Variants in NEUROG1 observed in about 807,000 individuals in gnomAD.
The protein encoded by NEUROG1 is neurogenin 1.
NEUROG1 carries 5 observed loss-of-function variants against 5.7 expected under a neutral mutation model. The observed-to-expected ratio is 0.88, with a 90% CI of 0.46 to 1.85. The LOEUF is 1.85. Among genes scored for constraint, NEUROG1 ranks in the 40% most tolerant of loss-of-function variants. NEUROG1 has a pLI of 0.01. For missense variants in NEUROG1, 403 were observed against 345.7 expected (o/e 1.17, Z -1.32); for synonymous variants, 196 against 157.4 (o/e 1.25, Z -1.84).
rs561040086 is a variant in NEUROG1, at chr5:135,535,078, A to G, written c.613T>C (p.Ser205Pro). ...PLSDPSSPAA[S>P]EDFTYRPGDP... ...CCGGGGCGGTAGGTGAAGTCTTCGG[A>G]GGCGGCTGGGCTACTGGGGTCAGAG... is the stretch of plus-strand genomic sequence containing the variant. The change falls in exon 1 of 1, where the codon TCC (serine) becomes CCC (proline). Residue 205 changes from serine (S) to proline (P), a missense_variant. Coordinates refer to ENST00000314744, the MANE Select transcript of NEUROG1 (RefSeq NM_006161.3). 33 of 1,613,584 alleles carry G rather than the reference A, an allele frequency of 2.0e-5. No homozygotes were observed. Among genetic ancestry groups the G allele is most frequent in the South Asian group, 2.0e-4 (18 of 91,040 alleles).
At position 135,535,355 on chromosome 5, in the gene NEUROG1, C is replaced by T. The variant is rs1750514250; in HGVS notation, c.336G>A (p.Leu112=). The T allele has an allele frequency of 6.2e-7, 1 of 1,613,160 alleles. No homozygotes were observed. Reference sequence around the variant, plus strand: ...AGGGCAGCACGCTGCGCAGTGCGTCCAGGGCCGCGTTCAAGTTGTGCATGC... The same window carrying T: ...AGGGCAGCACGCTGCGCAGTGCGTCTAGGGCCGCGTTCAAGTTGTGCATGC... ...RNRMHNLNAA[L]DALRSVLPSF... is the part of the protein sequence containing the mutation. Residue 112 remains leucine (L), a synonymous_variant, in exon 1 of 1, where the codon CTG becomes CTA. Coordinates refer to ENST00000314744, the MANE Select transcript of NEUROG1 (RefSeq NM_006161.3).
At position 135,535,503 on chromosome 5, in the gene NEUROG1, C is replaced by T. The variant is rs747278469; in HGVS notation, c.188G>A (p.Gly63Glu). The T allele has an allele frequency of 5.1e-5, 80 of 1,576,836 alleles. No individual in the cohort carries two copies. Among genetic ancestry groups the T allele is most frequent in the Non-Finnish European group, 6.4e-5 (75 of 1,167,712 alleles). The change falls in exon 1 of 1, where the codon GGG (glycine) becomes GAG (glutamate). Residue 63 changes from glycine to glutamate, a missense_variant. Coordinates refer to ENST00000314744, the MANE Select transcript of NEUROG1 (RefSeq NM_006161.3). The part of the protein sequence containing the change: ...PNISRASEVP[G>E]AQDDEQERRR... ...CCTCTCCTGCTCGTCGTCCTGTGCC[C>T]CTGGAACCTCAGACGCCCGGGAGAT...
rs578165038 is a variant in NEUROG1, at chr5:135,534,903, C to G, written c.*74G>C. 3 of 1,463,904 alleles carry G rather than the reference C, an allele frequency of 2.0e-6. No individual in the cohort carries two copies. Among genetic ancestry groups the G allele is most frequent in the Middle Eastern group, 2.1e-4 (1 of 4,804 alleles). 90.7% of individuals were successfully genotyped at this position (1,463,904 alleles called of 1,614,324 possible). ...CTCCCTCCGCCTGGAGAGGGGGTCC[C>G]GAGGCGGCAGCTGGGGCCCCATCTA... On this transcript the variant is annotated 3_prime_UTR_variant, in exon 1 of 1. Coordinates refer to ENST00000314744, the MANE Select transcript of NEUROG1 (RefSeq NM_006161.3).
In NEUROG1 at chr5:135,535,560, G is replaced by A. The variant is rs1750522630; in HGVS notation, c.131C>T (p.Pro44Leu). Residue 44 changes from proline (P) to leucine (L), a missense_variant, in exon 1 of 1, where the codon CCG becomes CTG. Coordinates refer to ENST00000314744, the MANE Select transcript of NEUROG1 (RefSeq NM_006161.3). ...RLQQAASASG[P>L]PAPARRGAPN... ...CGCGCCCCTGCGGGCCGGCGCGGGC[G>A]GCCCCGAAGCGGAGGCTGCCTGTTG... 6.3e-7 allele frequency: 1 copy of A among 1,576,662 alleles called. No homozygotes were observed. Among genetic ancestry groups the A allele is most frequent in the East Asian group, 2.3e-5 (1 of 43,396 alleles).
rs768646046 is a variant in NEUROG1, at chr5:135,535,653, T to G, written c.38A>C (p.Asp13Ala). 1 of 1,581,856 alleles carries G rather than the reference T, an allele frequency of 6.3e-7. No individual in the cohort carries two copies. Among genetic ancestry groups the G allele is most frequent in the South Asian group, 1.2e-5 (1 of 86,788 alleles). The stretch of plus-strand genomic sequence containing the variant: ...GTCACTGCCGCTGCTGCTGGCGCAG[T>G]CGAGGTCGGAGATGCAGGTCTCAAG... ...ARLETCISDL[D>A]CASSSGSDLS... is the part of the protein sequence containing the mutation. The change falls in exon 1 of 1, where the codon GAC becomes GCC. Residue 13 changes from aspartate (D) to alanine (A), a missense_variant. By Grantham distance (126) the Asp-to-Ala change is moderately radical (BLOSUM62 -2). Transcript: ENST00000314744.
In NEUROG1 at chr5:135,535,113, G is replaced by T; in HGVS notation, c.578C>A (p.Ala193Asp). 6.2e-7 allele frequency: 1 copy of T among 1,610,122 alleles called. No individual in the cohort carries two copies. The highest frequency in any genetic ancestry group is 8.5e-7 in the Non-Finnish European group (1 of 1,178,426). The change falls in exon 1 of 1, where the codon GCC becomes GAC. Residue 193 changes from alanine (A) to aspartate (D), a missense_variant. Coordinates refer to ENST00000314744, the MANE Select transcript of NEUROG1 (RefSeq NM_006161.3). ...AESWGSGAAA[A>D]SPLSDPSSPA... ...GCTACTGGGGTCAGAGAGCGGGGAGGCGGCGGCGGCACCTGAGCCCCAGGA... is the reference window on the plus strand; with the variant it reads ...GCTACTGGGGTCAGAGAGCGGGGAGTCGGCGGCGGCACCTGAGCCCCAGGA...
At position 135,535,319 on chromosome 5, in the gene NEUROG1, G is replaced by A. The variant is rs549007300; in HGVS notation, c.372C>T (p.Asp124=). 3.5e-5 allele frequency: 56 copies of A among 1,613,624 alleles called. No individual in the cohort carries two copies. The highest frequency in any genetic ancestry group is 1.3e-4 in the East Asian group (6 of 44,860). ...TCTCGATTTTGGTGAGCTTGGTGTC[G>A]TCGGGGAACGAGGGCAGCACGCTGC... The part of the protein sequence containing the change: ...ALRSVLPSFP[D]DTKLTKIETL... Residue 124 remains aspartate, a synonymous_variant, in exon 1 of 1, where the codon GAC becomes GAT. Transcript: ENST00000314744.
Position 135,535,187 on chromosome 5 carries a change from C to T in NEUROG1, c.504G>A (p.Gln168=). 1 of 1,610,186 alleles carries T rather than the reference C, an allele frequency of 6.2e-7. No homozygotes were observed. The highest frequency in any genetic ancestry group is 8.5e-7 in the Non-Finnish European group (1 of 1,178,436). ...GGGGACCGGGCAGGCAGGGGACGCA[C>T]TGCGGCGGCAGGAGGCGCTCCCGGG... is the stretch of plus-strand genomic sequence containing the variant. ...GGARERLLPP[Q]CVPCLPGPPS... is the part of the protein sequence containing the mutation. The change falls in exon 1 of 1, where the codon CAG becomes CAA. Residue 168 remains glutamine (Q), a synonymous_variant. Transcript: ENST00000314744.
rs912000278 is a variant in NEUROG1, at chr5:135,535,053, C to T, written c.638G>A (p.Gly213Asp). The T allele has an allele frequency of 4.3e-6, 7 of 1,613,984 alleles. No individual in the cohort carries two copies. In the Admixed American group the frequency reaches 1.0e-4, roughly 23 times the overall value. Residue 213 changes from glycine (G) to aspartate (D), a missense_variant, in exon 1 of 1, where the codon GGC becomes GAC. Coordinates refer to ENST00000314744, the MANE Select transcript of NEUROG1 (RefSeq NM_006161.3). ...GCTTGGGAAGGAGAAAACAGGGTCG[C>T]CGGGGCGGTAGGTGAAGTCTTCGGA... ...AASEDFTYRPGDPVFSFPSLP... is the reference protein window; with the variant it reads ...AASEDFTYRPDDPVFSFPSLP...
Position 135,534,873 on chromosome 5 carries a change from G to T in NEUROG1, c.*104C>A, listed in dbSNP as rs1750498423. 2 of 1,220,530 alleles carry T rather than the reference G, an allele frequency of 1.6e-6. No homozygotes were observed. The highest frequency in any genetic ancestry group is 2.3e-6 in the Non-Finnish European group (2 of 879,848). 75.6% of individuals were successfully genotyped at this position (1,220,530 alleles called of 1,614,324 possible). ...TATCCCCGACTGCTTTAAAGCTCCC[G>T]CTTCCTCCCTCCGCCTGGAGAGGGG... On this transcript the variant is annotated 3_prime_UTR_variant, in exon 1 of 1. Transcript: ENST00000314744.
Position 135,535,218 on chromosome 5 carries a change from C to T in NEUROG1, c.473G>A (p.Gly158Asp), listed in dbSNP as rs199829602. The change falls in exon 1 of 1, where the codon GGC (glycine) becomes GAC (aspartate). Residue 158 changes from glycine (G) to aspartate (D), a missense_variant. Transcript: ENST00000314744. ...CGGCAGGAGGCGCTCCCGGGCACCG[C>T]CTCCGGGCAGCCCTTGATCCGCCAG... ...LRLADQGLPG[G>D]GARERLLPPQ... 74 of 1,612,098 alleles carry T rather than the reference C, an allele frequency of 4.6e-5. No individual in the cohort carries two copies. The Admixed American group carries it at 1.2e-3, about 27-fold the overall frequency.
Position 135,535,472 on chromosome 5 carries a change from C to T in NEUROG1, c.219G>A (p.Arg73=). Residue 73 remains arginine (R), a synonymous_variant, in exon 1 of 1, where the codon CGG becomes CGA. Coordinates refer to ENST00000314744, the MANE Select transcript of NEUROG1 (RefSeq NM_006161.3). ...AGCGGACCCGCGTCCGGCCGCGGCG[C>T]CGCCGCCTCTCCTGCTCGTCGTCCT... ...GAQDDEQERR[R]RRGRTRVRSE... The T allele has an allele frequency of 6.4e-7, 1 of 1,565,812 alleles. No individual in the cohort carries two copies. The highest frequency in any genetic ancestry group is 1.9e-5 in the Admixed American group (1 of 53,904).
Position 135,535,511 on chromosome 5 carries a change from C to T in NEUROG1, c.180G>A (p.Glu60=), listed in dbSNP as rs974244855. 3.8e-6 allele frequency: 6 copies of T among 1,575,606 alleles called. No individual in the cohort carries two copies. In the African/African-American group the frequency reaches 8.2e-5, roughly 22 times the overall value. Residue 60 remains glutamate, a synonymous_variant, in exon 1 of 1, where the codon GAG becomes GAA. Coordinates refer to ENST00000314744, the MANE Select transcript of NEUROG1 (RefSeq NM_006161.3). ...GCTCGTCGTCCTGTGCCCCTGGAAC[C>T]TCAGACGCCCGGGAGATATTGGGCG... ...RGAPNISRAS[E]VPGAQDDEQE...
In NEUROG1 at chr5:135,535,345, G is replaced by T; in HGVS notation, c.346C>A (p.Arg116Ser). Reference protein sequence around the residue: ...HNLNAALDALRSVLPSFPDDT... With the variant: ...HNLNAALDALSSVLPSFPDDT... Reference sequence around the variant, plus strand: ...TCGGGGAACGAGGGCAGCACGCTGCGCAGTGCGTCCAGGGCCGCGTTCAAG... The same window carrying T: ...TCGGGGAACGAGGGCAGCACGCTGCTCAGTGCGTCCAGGGCCGCGTTCAAG... Residue 116 changes from arginine to serine, a missense_variant, in exon 1 of 1, where the codon CGC (arginine) becomes AGC (serine). Arg to Ser is a moderately radical substitution (Grantham distance 110). Transcript: ENST00000314744. 1 of 1,613,334 alleles carries T rather than the reference G, an allele frequency of 6.2e-7. No individual in the cohort carries two copies. Among genetic ancestry groups the T allele is most frequent in the South Asian group, 1.1e-5 (1 of 91,018 alleles).
Position 135,535,102 on chromosome 5 carries a change from A to C in NEUROG1, c.589T>G (p.Ser197Ala), listed in dbSNP as rs1181514824. ...GSGAAAASPL[S>A]DPSSPAASED... Reference sequence around the variant, plus strand: ...GAGGCGGCTGGGCTACTGGGGTCAGAGAGCGGGGAGGCGGCGGCGGCACCT... The same window carrying C: ...GAGGCGGCTGGGCTACTGGGGTCAGCGAGCGGGGAGGCGGCGGCGGCACCT... The change falls in exon 1 of 1, where the codon TCT (serine) becomes GCT (alanine). Residue 197 changes from serine to alanine, a missense_variant. By Grantham distance (99) the Ser-to-Ala change is moderately conservative (BLOSUM62 1). Coordinates refer to ENST00000314744, the MANE Select transcript of NEUROG1 (RefSeq NM_006161.3). 1 of 1,612,174 alleles carries C rather than the reference A, an allele frequency of 6.2e-7. No individual in the cohort carries two copies. Among genetic ancestry groups the C allele is most frequent in the Admixed American group, 1.7e-5 (1 of 59,854 alleles).
At position 135,534,952 on chromosome 5, in the gene NEUROG1, G is replaced by T. The variant is rs200961598; in HGVS notation, c.*25C>A. On this transcript the variant is annotated 3_prime_UTR_variant, in exon 1 of 1. Transcript: ENST00000314744. ...TATTGCCTGCTGACTAGGGGAGGGGGAAAGTAACAGTGTCTACAAAGGGCC... is the reference window on the plus strand; with the variant it reads ...TATTGCCTGCTGACTAGGGGAGGGGTAAAGTAACAGTGTCTACAAAGGGCC... The T allele has an allele frequency of 3.1e-6, 5 of 1,601,678 alleles. No individual in the cohort carries two copies. Among genetic ancestry groups the T allele is most frequent in the Non-Finnish European group, 4.3e-6 (5 of 1,175,164 alleles).
rs1343062776 is a variant in NEUROG1, at chr5:135,534,332, C to G, written c.*645G>C. Reference sequence around the variant, plus strand: ...AGCGTCTGCAGTACAAAAATGTAAACTTTGATAGCTCATAATAGAATAAAC... The same window carrying G: ...AGCGTCTGCAGTACAAAAATGTAAAGTTTGATAGCTCATAATAGAATAAAC... On this transcript the variant is annotated 3_prime_UTR_variant, in exon 1 of 1. Transcript: ENST00000314744. The G allele has an allele frequency of 6.6e-6, 1 of 152,550 alleles. No individual in the cohort carries two copies. Among genetic ancestry groups the G allele is most frequent in the African/African-American group, 2.4e-5 (1 of 41,448 alleles). The allele number at this position is 152,550 out of a possible 1,614,324, so 9.4% of individuals were successfully genotyped here.
chr5:135,535,178 G>A lies in NEUROG1; in HGVS notation c.513C>T (p.Pro171=), dbSNP rs1165747936. 1 of 1,610,526 alleles carries A rather than the reference G, an allele frequency of 6.2e-7. No individual in the cohort carries two copies. Among genetic ancestry groups the A allele is most frequent in the Non-Finnish European group, 8.5e-7 (1 of 1,178,450 alleles). The change falls in exon 1 of 1, where the codon CCC becomes CCT. Residue 171 remains proline (P), a synonymous_variant. Transcript: ENST00000314744. ...CGGGGCTTGGGGGACCGGGCAGGCA[G>A]GGGACGCACTGCGGCGGCAGGAGGC... ...RERLLPPQCV[P]CLPGPPSPAS...
rs376283210 is a variant in NEUROG1, at chr5:135,535,215, C to T, written c.476G>A (p.Gly159Asp). 1.8e-5 allele frequency: 29 copies of T among 1,611,612 alleles called. No individual in the cohort carries two copies. The highest frequency in any genetic ancestry group is 2.3e-5 in the Non-Finnish European group (27 of 1,179,162). Residue 159 changes from glycine (G) to aspartate (D), a missense_variant, in exon 1 of 1, where the codon GGT becomes GAT. Gly to Asp is a moderately conservative substitution (Grantham distance 94). Transcript: ENST00000314744. ...RLADQGLPGG[G>D]ARERLLPPQC... The stretch of plus-strand genomic sequence containing the variant: ...CGGCGGCAGGAGGCGCTCCCGGGCA[C>T]CGCCTCCGGGCAGCCCTTGATCCGC...
Sources: allele counts gnomAD v4.1 joint callset, GRCh38; gene constraint gnomAD v4.1.1; transcripts MANE v1.5; gene names NCBI Gene and HGNC (gene_info 2026-07-23, HGNC 2026-07-21).